Variants in SLC9C2 observed in about 807,000 individuals in gnomAD.
The protein encoded by SLC9C2 is sodium/hydrogen exchanger 11.
A neutral mutation model predicts 140.2 loss-of-function variants in SLC9C2; 75 were observed. The observed-to-expected ratio is 0.53, with a 90% CI of 0.44 to 0.65. The LOEUF is 0.65. SLC9C2 is among the 30% of genes least tolerant of loss of function. SLC9C2 has a pLI of 0.00. For missense variants in SLC9C2, 1,074 were observed against 1,331.8 expected, an observed-to-expected ratio of 0.81 and a Z score of 3.01; for synonymous variants, 375 against 420.9, an observed-to-expected ratio of 0.89 and a Z score of 1.34.
chr1:173,572,933 G>A (rs1664926495), intron 9 of SLC9C2, among the ~76,000 whole-genome samples: 1 of 152,142 alleles, frequency 6.6e-6, no homozygotes, highest in Non-Finnish European at 1.5e-5. Context: ...AGGTTGAGAT[G>A]GGCTCATGAA....
At chr1:173,543,364 CA>C (rs1233262544) in intron 13 of SLC9C2, among the ~76,000 whole-genome samples, 1 of 152,116 alleles carries the variant, frequency 6.6e-6, no homozygotes, top group African/African-American at 2.4e-5. Context: ...GGGACAGAAA[CA>C]AATGGAAGAA....
At chr1:173,541,296 C>T (rs1662386064) in intron 13 of SLC9C2, among the ~76,000 whole-genome samples, 1 of 152,046 alleles carries the variant, frequency 6.6e-6, no homozygotes, top group Admixed American at 6.5e-5. Flanking sequence ...ATCAATTCAA[C>T]AAGAAGAGCT....
At chr1:173,560,774 TTCTC>T (rs753605909) in intron 9 of SLC9C2, among the ~76,000 whole-genome samples, 2 of 152,068 alleles carry the variant, frequency 1.3e-5, no homozygotes, top group Non-Finnish European at 2.9e-5. Context: ...TTCTTGTTCC[TTCTC>T]TCTTTCTTTT....
intron 16 of SLC9C2, 145 bp from the exon 17 acceptor site, chr1:173,533,942 CA>C: frequency 1.1e-6 from 1 of 911,644 alleles, no homozygotes. Flanking sequence ...GGAATCCCCC[CA>C]AAAATTCTTT....
chr1:173,556,775 A>G (rs1182675263), intron 10 of SLC9C2, among the ~76,000 whole-genome samples: 1 of 151,900 alleles, frequency 6.6e-6, no homozygotes, highest in African/African-American at 2.4e-5. Context: ...AATAATAATA[A>G]TAATAATCCA....
In SLC9C2 at chr1:173,535,392, G is replaced by T. The variant is rs181409113; in HGVS notation, c.1775+438C>A. Reference sequence around the variant, plus strand: ...TAAAATCTGTGTTTTGTGATATTTTGGAAAATTGGTTACAGGTATTATTAA... The same window carrying T: ...TAAAATCTGTGTTTTGTGATATTTTTGAAAATTGGTTACAGGTATTATTAA... On this transcript the variant is annotated intron_variant, in intron 15 of 27. Transcript: ENST00000367714. Among the ~76,000 whole-genome samples the T allele has an allele frequency of 2.5e-4, 38 of 152,164 alleles. No homozygotes were observed. The East Asian group carries it at 6.6e-3, about 26-fold the overall frequency.
At position 173,509,671 on chromosome 1, in the gene SLC9C2, T is replaced by C; in HGVS notation, c.2936A>G (p.Tyr979Cys). 6.3e-7 allele frequency: 1 copy of C among 1,594,680 alleles called. No individual in the cohort carries two copies. Among genetic ancestry groups the C allele is most frequent in the South Asian group, 1.2e-5 (1 of 86,332 alleles). ...QACFISLEDLYEGFDAFWPSL... is the reference protein window; with the variant it reads ...QACFISLEDLCEGFDAFWPSL... Reference sequence around the variant, plus strand: ...TGGCCAGAAGGCATCAAAGCCTTCATATAAATCCTCCAGGGAGATAAAGCA... The same window carrying C: ...TGGCCAGAAGGCATCAAAGCCTTCACATAAATCCTCCAGGGAGATAAAGCA... The change falls in exon 24 of 28, where the codon TAT becomes TGT. Residue 979 changes from tyrosine (Y) to cysteine (C), a missense_variant. Transcript: ENST00000367714.
In SLC9C2 at chr1:173,526,713, T is replaced by G; in HGVS notation, c.2315A>C (p.Lys772Thr). 1 of 1,583,638 alleles carries G rather than the reference T, an allele frequency of 6.3e-7. No individual in the cohort carries two copies. The highest frequency in any genetic ancestry group is 8.5e-7 in the Non-Finnish European group (1 of 1,169,808). The stretch of plus-strand genomic sequence containing the variant: ...GTTGGTTTCCAAAATTTCACATAGT[T>G]TCTGTAAAAAATTAAGAAAAACATG... ...QIAVCESIYQ[K>T]LCEILETNKQ... is the part of the protein sequence containing the mutation. The change falls in exon 19 of 28, where the codon AAA becomes ACA. Residue 772 changes from lysine (K) to threonine (T), a missense_variant and splice_region_variant. By Grantham distance (78) the Lys-to-Thr change is moderately conservative (BLOSUM62 -1). Transcript: ENST00000367714.
In SLC9C2 at chr1:173,576,712, A is replaced by G. The variant is rs1341292469; in HGVS notation, c.851T>C (p.Leu284Pro). The G allele has an allele frequency of 1.9e-6, 3 of 1,610,262 alleles. No individual in the cohort carries two copies. The highest frequency in any genetic ancestry group is 2.5e-6 in the Non-Finnish European group (3 of 1,179,180). ...SGTLALAAVG[L>P]NLDSLTFKPK... ...TTTAAAAGTTAAAGAATCTAAATTCAGTCCTACAGCGGCTAAGGCAAGAGT... is the reference window on the plus strand; with the variant it reads ...TTTAAAAGTTAAAGAATCTAAATTCGGTCCTACAGCGGCTAAGGCAAGAGT... Residue 284 changes from leucine (L) to proline (P), a missense_variant, in exon 8 of 28, where the codon CTG becomes CCG. Leu to Pro is a moderately conservative substitution (Grantham distance 98). Transcript: ENST00000367714.
chr1:173,513,505 T>A (rs1208749848), intron 23 of SLC9C2, among the ~76,000 whole-genome samples: 1 of 152,172 alleles, frequency 6.6e-6, no homozygotes, highest in Non-Finnish European at 1.5e-5. Flanking sequence ...AGTGGTGATA[T>A]CCCCTTTATC....
chr1:173,557,077 CA>C (rs964647336), intron 10 of SLC9C2, among the ~76,000 whole-genome samples: 11 of 152,232 alleles, frequency 7.2e-5, no homozygotes, highest in South Asian at 2.1e-4. Context: ...GGAACTTCCT[CA>C]AGATCACCCA....
chr1:173,511,265 C>T (rs933017725), intron 23 of SLC9C2, among the ~76,000 whole-genome samples: 1 of 151,966 alleles, frequency 6.6e-6, no homozygotes, highest in Non-Finnish European at 1.5e-5. Flanking sequence ...CTCTTGACCT[C>T]ATGATCCCCC....
At chr1:173,547,589 T>A in intron 13 of SLC9C2, 100 bp downstream of exon 13, 4 of 795,204 alleles carry the variant, frequency 5.0e-6, no homozygotes, top group Non-Finnish European at 7.9e-6. Flanking sequence ...ATCAATAGAC[T>A]ATGAGAAGGT....
intron 4 of SLC9C2, among the ~76,000 whole-genome samples, chr1:173,588,236 G>A (rs10081982): frequency 1.3e-5 from 2 of 151,894 alleles, no homozygotes. Context: ...CACAGAAAAT[G>A]CCCCCCTTTA....
intron 9 of SLC9C2, among the ~76,000 whole-genome samples, chr1:173,572,853 T>A (rs1664920662): frequency 6.6e-6 from 1 of 152,216 alleles, no homozygotes; most frequent in South Asian, 2.1e-4. Flanking sequence ...AACTTTAACA[T>A]GCATACAAAC....
Position 173,509,708 on chromosome 1 carries a change from A to T in SLC9C2, c.2908-9T>A. 1 of 1,581,424 alleles carries T rather than the reference A, an allele frequency of 6.3e-7. No homozygotes were observed. Among genetic ancestry groups the T allele is most frequent in the Non-Finnish European group, 8.5e-7 (1 of 1,170,872 alleles). ...AGGGAGATAAAGCAGGCCTGAAACA[A>T]AAAGGAACCAGGCCATAGCAGCTTG... is the stretch of plus-strand genomic sequence containing the variant. On this transcript the variant is annotated splice_polypyrimidine_tract_variant and intron_variant, in intron 23 of 27. Transcript: ENST00000367714.
chr1:173,559,817 A>G (rs1321839960), intron 9 of SLC9C2, among the ~76,000 whole-genome samples: 2 of 152,190 alleles, frequency 1.3e-5, no homozygotes, highest in African/African-American at 2.4e-5. Flanking sequence ...CTAGGAGGCT[A>G]TATTTTCTCA....
rs112499433 is a variant in SLC9C2, at chr1:173,522,355, C to T, written c.2641-956G>A. Among the ~76,000 whole-genome samples the T allele has an allele frequency of 2.0e-4, 30 of 152,194 alleles. 1 individual carries two copies. Among genetic ancestry groups the T allele is most frequent in the African/African-American group, 6.7e-4 (28 of 41,522 alleles). On this transcript the variant is annotated intron_variant, in intron 21 of 27. Coordinates refer to ENST00000367714, the MANE Select transcript of SLC9C2 (RefSeq NM_178527.4). ...AGCTCGGATAACATGAGTTGAAGACCTCCAGGGCAGAAGATTCATATATGC... is the reference window on the plus strand; with the variant it reads ...AGCTCGGATAACATGAGTTGAAGACTTCCAGGGCAGAAGATTCATATATGC...
chr1:173,587,927 GT>G, intron 4 of SLC9C2, 97 bp from the exon 5 acceptor site: 3 of 909,770 alleles, frequency 3.3e-6, no homozygotes, highest in Non-Finnish European at 4.9e-6. Flanking sequence ...GGTTGTAAAT[GT>G]TATACAATTA....
Sources: gnomAD v4.1 joint callset for allele counts (sites outside exome capture counted in the v4.1 genomes callset) on GRCh38, gnomAD v4.1.1 for gene constraint, MANE v1.5 for transcripts, NCBI Gene and HGNC (gene_info 2026-07-23, HGNC 2026-07-21) for gene names.